The following MPHOSPH10 variants were observed in gnomAD, a reference collection of about 807,000 sequenced individuals.
MPHOSPH10 encodes the protein M-phase phosphoprotein 10, also known as U3 small nucleolar ribonucleoprotein MPP10.
MPHOSPH10 carries 33 observed loss-of-function variants against 77.3 expected under a neutral mutation model. The observed-to-expected ratio is 0.43, with a 90% confidence interval of 0.32 to 0.57. The LOEUF (loss-of-function observed/expected upper bound fraction) is 0.57. MPHOSPH10 is among the 20% of genes least tolerant of loss of function. The pLI, the probability that MPHOSPH10 is intolerant of heterozygous loss-of-function variation, is 0.07. For synonymous variants in MPHOSPH10, 245 were observed against 268.0 expected (o/e 0.91, Z 0.84); for missense variants, 708 against 780.1 (o/e 0.91, Z 1.10).
intron 2 of MPHOSPH10, 117 bp from the exon 3 acceptor site, chr2:71,133,831 G>A (rs1184998785): frequency 1.1e-6 from 1 of 887,744 alleles, no homozygotes; most frequent in Non-Finnish European, 1.6e-6. Flanking sequence ...TTATTAGCTT[G>A]TAGTGTTATT....
chr2:71,133,579 A>T lies in MPHOSPH10; in HGVS notation c.768+3A>T. 3 of 1,559,592 alleles carry T rather than the reference A, an allele frequency of 1.9e-6. No individual in the cohort carries two copies. Among genetic ancestry groups the T allele is most frequent in the Non-Finnish European group, 2.6e-6 (3 of 1,158,678 alleles). On this transcript the variant is annotated splice_donor_region_variant and intron_variant, in intron 2 of 10. Coordinates refer to ENST00000244230, the MANE Select transcript of MPHOSPH10 (RefSeq NM_005791.3). ...TGTTTGGAAGTAAAAAACTTAAGGT[A>T]AAGTTTTGAGAGAAGAGAGAGCACT...
chr2:71,137,796 C>A (rs1269212735), intron 4 of MPHOSPH10, among the ~76,000 whole-genome samples: 2 of 151,874 alleles, frequency 1.3e-5, no homozygotes, highest in Admixed American at 1.3e-4. Flanking sequence ...TAAGAGAATT[C>A]TGTAAGGTAG....
chr2:71,144,310 C>A, intron 7 of MPHOSPH10, 118 bp from the exon 8 acceptor site: 1 of 776,272 alleles, frequency 1.3e-6, no homozygotes, highest in South Asian at 1.8e-5. Context: ...TGGAATGTTT[C>A]TTTGTAGCTG....
Position 71,134,041 on chromosome 2 carries a change from G to A in MPHOSPH10, c.862G>A (p.Asp288Asn). 1 of 1,609,432 alleles carries A rather than the reference G, an allele frequency of 6.2e-7. No homozygotes were observed. Among genetic ancestry groups the A allele is most frequent in the South Asian group, 1.1e-5 (1 of 90,320 alleles). Residue 288 changes from aspartate to asparagine, a missense_variant, in exon 3 of 11, where the codon GAT becomes AAT. Physicochemically the swap from Asp to Asn is conservative, Grantham distance 23. Around this residue, in one of 3 missense-constraint regions of MPHOSPH10, gnomAD observed 433 missense variants for 432.6 expected, o/e 1.00. Transcript: ENST00000244230. ...AACAAATGTTCATGATGATGAGCTG[G>A]ATTCAAACAAAGAAGATGATGAAAT... Reference protein sequence around the residue: ...DITNVHDDELDSNKEDDEIAE... With the variant: ...DITNVHDDELNSNKEDDEIAE...
intron 4 of MPHOSPH10, among the ~76,000 whole-genome samples, chr2:71,136,603 T>A (rs72905522): frequency 0.02 from 2,968 of 151,954 alleles, 99 homozygotes; most frequent in African/African-American, 0.067. Context: ...AGAATCTGAA[T>A]TAAATCCATG....
Position 71,133,297 on chromosome 2 carries a change from C to T in MPHOSPH10, c.489C>T (p.Ser163=). The T allele has an allele frequency of 6.2e-7, 1 of 1,614,062 alleles. No individual in the cohort carries two copies. Residue 163 remains serine, a synonymous_variant, in exon 2 of 11, where the codon AGC becomes AGT. Transcript: ENST00000244230. ...CAAGCAAATCTGATCTGAGGAAAAG[C>T]CCCGTTTTCAGTGATGAGGATTCTG... ...ENSSKSDLRK[S]PVFSDEDSDL...
At chr2:71,142,895 A>G (rs1268650929) in intron 7 of MPHOSPH10, among the ~76,000 whole-genome samples, 1 of 152,166 alleles carries the variant, frequency 6.6e-6, no homozygotes, top group African/African-American at 2.4e-5. Context: ...TGTCTTAATA[A>G]CAAACAAACA....
intron 4 of MPHOSPH10, among the ~76,000 whole-genome samples, chr2:71,136,240 G>T (rs907408348): frequency 2.0e-5 from 3 of 152,058 alleles, no homozygotes; most frequent in Non-Finnish European, 4.4e-5. Context: ...ATGAGAATAG[G>T]GCCAGGCACA....
intron 2 of MPHOSPH10, 40 bp from the exon 3 acceptor site, chr2:71,133,908 C>T (rs911427282): frequency 1.5e-6 from 2 of 1,332,632 alleles, no homozygotes; most frequent in East Asian, 2.5e-5. Flanking sequence ...ATATATTTTT[C>T]TATCCCTAAT....
Position 71,150,006 on chromosome 2 carries a change from A to G in MPHOSPH10, c.2037A>G (p.Leu679=). ...GACAGGATATTTCTGTTCATAAATTAAAGCTGTAATATATTTTGAATATAA... is the reference window on the plus strand; with the variant it reads ...GACAGGATATTTCTGTTCATAAATTGAAGCTGTAATATATTTTGAATATAA... ...KKRQDISVHK[L]KL Residue 679 remains leucine (L), a synonymous_variant, in exon 11 of 11, where the codon TTA becomes TTG. Transcript: ENST00000244230. 7.6e-7 allele frequency: 1 copy of G among 1,323,782 alleles called. No homozygotes were observed. The highest frequency in any genetic ancestry group is 1.4e-5 in the South Asian group (1 of 71,896). 82.0% of individuals were successfully genotyped at this position (1,323,782 alleles called of 1,614,324 possible). A position where few individuals can be genotyped will look rare whatever the true frequency, so the allele number is the denominator to read the frequency against.
chr2:71,139,886 TAATC>T, intron 6 of MPHOSPH10, 24 bp downstream of exon 6: 2 of 1,485,924 alleles, frequency 1.3e-6, no homozygotes, highest in Non-Finnish European at 1.9e-6. Flanking sequence ...AAATTTAACT[TAATC>T]AAAATGTCAC....
At chr2:71,138,274 G>A (rs527477122) in intron 4 of MPHOSPH10, among the ~76,000 whole-genome samples, 1 of 152,190 alleles carries the variant, frequency 6.6e-6, no homozygotes, top group Non-Finnish European at 1.5e-5. Flanking sequence ...TTATAAACAT[G>A]GCATTTTAAA....
intron 4 of MPHOSPH10, 25 bp from the exon 5 acceptor site, chr2:71,138,465 A>G: frequency 2.7e-6 from 4 of 1,491,220 alleles, no homozygotes; most frequent in Non-Finnish European, 3.6e-6. Context: ...CTAAATGTAT[A>G]CTAGTTATTT....
chr2:71,130,972 T>C, intron 1 of MPHOSPH10: 1 of 543,656 alleles, frequency 1.8e-6, no homozygotes, highest in Non-Finnish European at 3.3e-6. Context: ...CTGAAATCAC[T>C]CTAACCTCAA....
intron 4 of MPHOSPH10, among the ~76,000 whole-genome samples, chr2:71,136,432 T>C (rs1435850027): frequency 5.9e-5 from 9 of 151,978 alleles, no homozygotes; most frequent in Non-Finnish European, 1.3e-4. Flanking sequence ...GGAGGATCTC[T>C]TGAGTCCAGG....
At chr2:71,138,663 T>G in intron 5 of MPHOSPH10, 32 bp downstream of exon 5, 1 of 1,613,730 alleles carries the variant, frequency 6.2e-7, no homozygotes, top group Middle Eastern at 1.6e-4. Flanking sequence ...TTTTCATGTC[T>G]GTGCTTTTTC....
chr2:71,149,209 T>G lies in MPHOSPH10; in HGVS notation c.1666-14T>G, dbSNP rs572812674. The G allele has an allele frequency of 3.2e-5, 49 of 1,534,922 alleles. No individual in the cohort carries two copies. The South Asian group carries it at 5.7e-4, about 18-fold the overall frequency. On this transcript the variant is annotated splice_polypyrimidine_tract_variant and intron_variant, in intron 9 of 10. Transcript: ENST00000244230. ...CTTGATGAATGAATATGTTGGTGGTTATTTTTTTAATAGGAGAAAAATAAA... is the reference window on the plus strand; with the variant it reads ...CTTGATGAATGAATATGTTGGTGGTGATTTTTTTAATAGGAGAAAAATAAA...
intron 6 of MPHOSPH10, 81 bp from the exon 7 acceptor site, chr2:71,141,151 A>G (rs1222909731): frequency 2.5e-6 from 2 of 788,272 alleles, no homozygotes; most frequent in East Asian, 4.7e-5. Flanking sequence ...TATTATAATA[A>G]TATTCCAGAG....
intron 4 of MPHOSPH10, 56 bp downstream of exon 4, chr2:71,134,853 A>G (rs1673455563): frequency 1.5e-6 from 2 of 1,320,478 alleles, no homozygotes; most frequent in African/African-American, 1.5e-5. Context: ...TCCTTTGAAA[A>G]CTATTAACCA....
Sources: gnomAD v4.1 joint callset for allele counts (sites outside exome capture counted in the v4.1 genomes callset) on GRCh38, gnomAD v4.1.1 for gene constraint, gnomAD v4.1.1 regional missense constraint, MANE v1.5 for transcripts, NCBI Gene and HGNC (gene_info 2026-07-23, HGNC 2026-07-21) for gene names.